SASH1: variants seen among roughly 807,000 people sequenced by gnomAD.
SASH1 encodes SAM and SH3 domain containing 1.
In SASH1, 44 loss-of-function variants were observed where a neutral mutation model predicts 125.2. The observed-to-expected ratio is 0.35, with a 90% CI of 0.28 to 0.45. The LOEUF (loss-of-function observed/expected upper bound fraction) is 0.45. SASH1 is among the 20% of genes least tolerant of loss of function. The pLI is 1.00. For missense variants in SASH1, 1,426 were observed against 1,614.5 expected (o/e 0.88, Z 2.00); for synonymous variants, 639 against 649.1 (o/e 0.98, Z 0.24).
intron 1 of SASH1, among the ~76,000 whole-genome samples, chr6:148,323,483 C>G (rs1296088894): frequency 1.3e-5 from 2 of 152,150 alleles, no homozygotes; most frequent in East Asian, 3.9e-4. Context: ...TTGGTGATTT[C>G]CTTTATCAAA....
chr6:148,350,102 C>T (rs1781675177), intron 1 of SASH1, among the ~76,000 whole-genome samples: 1 of 152,068 alleles, frequency 6.6e-6, no homozygotes, highest in South Asian at 2.1e-4. Context: ...ACCTCGGCCT[C>T]CCAAAGTGTT....
upstream of SASH1, among the ~76,000 whole-genome samples, chr6:148,338,569 C>A (rs796242947): frequency 4.6e-5 from 7 of 152,228 alleles, no homozygotes; most frequent in African/African-American, 1.7e-4. Flanking sequence ...TGACCTAGAT[C>A]TTTTTCGAGG....
At chr6:148,422,083 C>T (rs963857685) in intron 2 of SASH1, among the ~76,000 whole-genome samples, 1 of 152,146 alleles carries the variant, frequency 6.6e-6, no homozygotes, top group African/African-American at 2.4e-5. Context: ...GAAGGGTTGG[C>T]TTTTCAACCA....
intron 2 of SASH1, among the ~76,000 whole-genome samples, chr6:148,398,969 A>G (rs1256933722): frequency 6.6e-6 from 1 of 152,220 alleles, no homozygotes; most frequent in Non-Finnish European, 1.5e-5. Context: ...GAACGTGGAC[A>G]TCAACAGATC....
the SASH1 span, among the ~76,000 whole-genome samples, chr6:148,232,002 C>T: frequency 6.6e-6 from 1 of 151,688 alleles, no homozygotes; most frequent in African/African-American, 2.4e-5. Context: ...AGGAAAAAGG[C>T]TAGCAACTTG....
chr6:148,384,498 CATT>C (rs1448229885), intron 1 of SASH1, among the ~76,000 whole-genome samples: 2 of 152,170 alleles, frequency 1.3e-5, no homozygotes, highest in Non-Finnish European at 2.9e-5. Flanking sequence ...CAGTGCTTGA[CATT>C]AGTATGGTGG....
At chr6:148,439,311 C>T (rs748094649) in intron 2 of SASH1, among the ~76,000 whole-genome samples, 2 of 152,134 alleles carry the variant, frequency 1.3e-5, no homozygotes, top group South Asian at 2.1e-4. Flanking sequence ...TTTATCAACT[C>T]GATACCGCGC....
At chr6:148,413,484 G>A (rs1473742777) in intron 2 of SASH1, among the ~76,000 whole-genome samples, 1 of 152,142 alleles carries the variant, frequency 6.6e-6, no homozygotes, top group Non-Finnish European at 1.5e-5. Context: ...GAAGGAGAAT[G>A]TGCGGGAAAG....
chr6:148,379,996 G>A (rs1158022497), intron 1 of SASH1: 6 of 455,488 alleles, frequency 1.3e-5, no homozygotes, highest in Non-Finnish European at 2.6e-5. Flanking sequence ...CACACAAAGA[G>A]TATTTTTCAG....
At chr6:148,435,338 C>T (rs185179270) in intron 2 of SASH1, among the ~76,000 whole-genome samples, 123 of 147,276 alleles carry the variant, frequency 8.4e-4, no homozygotes, top group African/African-American at 3.0e-3. Context: ...AAGATCGTGC[C>T]ATTGCGCTCC....
chr6:148,227,045 G>A, the SASH1 span, among the ~76,000 whole-genome samples: 1 of 152,130 alleles, frequency 6.6e-6, no homozygotes, highest in African/African-American at 2.4e-5. Context: ...TGTTGGGGAG[G>A]CAACAATACC....
intron 8 of SASH1, among the ~76,000 whole-genome samples, chr6:148,503,300 C>T (rs989763637): frequency 1.4e-5 from 2 of 139,746 alleles, no homozygotes; most frequent in East Asian, 2.0e-4. Context: ...ATTCTACAGT[C>T]GAGTCATCTT....
intron 12 of SASH1, among the ~76,000 whole-genome samples, chr6:148,531,065 A>T (rs1562488489): frequency 6.6e-6 from 1 of 150,562 alleles, no homozygotes; most frequent in Non-Finnish European, 1.5e-5. Flanking sequence ...AATCTAGCCA[A>T]TTTTTTTTTT....
intron 1 of SASH1, among the ~76,000 whole-genome samples, chr6:148,276,074 C>A (rs1779174955): frequency 6.6e-6 from 1 of 152,164 alleles, no homozygotes; most frequent in South Asian, 2.1e-4. Context: ...GAGACTGGAG[C>A]TTAGAGTTAG....
intron 1 of SASH1, among the ~76,000 whole-genome samples, chr6:148,370,673 A>T (rs1356245624): frequency 6.6e-6 from 1 of 151,960 alleles, no homozygotes; most frequent in East Asian, 1.9e-4. Context: ...AATACAAAAA[A>T]CTAGCTGGGC....
At chr6:148,303,663 C>T (rs1780035883) in intron 1 of SASH1, among the ~76,000 whole-genome samples, 2 of 151,158 alleles carry the variant, frequency 1.3e-5, no homozygotes, top group Non-Finnish European at 2.9e-5. Flanking sequence ...TGGGTGGTGG[C>T]GGGCACCCAT....
chr6:148,328,426 C>A (rs771627993), intron 1 of SASH1, among the ~76,000 whole-genome samples: 16 of 152,068 alleles, frequency 1.1e-4, no homozygotes, highest in Non-Finnish European at 1.9e-4. Flanking sequence ...AACCCCATCT[C>A]TACTAAAAAT....
intron 1 of SASH1, among the ~76,000 whole-genome samples, chr6:148,360,820 C>G (rs1445766914): frequency 1.3e-5 from 2 of 152,160 alleles, no homozygotes; most frequent in Non-Finnish European, 2.9e-5. Context: ...GTTACAGTGA[C>G]CCTGTGAGGT....
Position 148,527,509 on chromosome 6 carries a change from C to T in SASH1, c.1341C>T (p.Arg447=). 2 of 1,610,400 alleles carry T rather than the reference C, an allele frequency of 1.2e-6. No individual in the cohort carries two copies. The highest frequency in any genetic ancestry group is 1.7e-6 in the Non-Finnish European group (2 of 1,178,792). The change falls in exon 12 of 20, where the codon CGC becomes CGT. Residue 447 remains arginine, a synonymous_variant. Transcript: ENST00000367467. Reference sequence around the variant, plus strand: ...TCATCAAATCACCTACTGCCTCTCGCATCTCTCTTGGGAAAAAGGTGAAAT... The same window carrying T: ...TCATCAAATCACCTACTGCCTCTCGTATCTCTCTTGGGAAAAAGGTGAAAT... ...KEVIKSPTAS[R]ISLGKKVKSV...
Sources: allele counts gnomAD v4.1 joint callset (sites outside exome capture counted in the v4.1 genomes callset), GRCh38; gene constraint gnomAD v4.1.1; transcripts MANE v1.5; gene names NCBI Gene and HGNC (gene_info 2026-07-23, HGNC 2026-07-21).